The following UBE2D4 variants were observed in gnomAD, a reference collection of about 807,000 sequenced individuals.
UBE2D4 encodes the protein ubiquitin conjugating enzyme E2 D4, also known as ubiquitin-conjugating enzyme E2 D4.
A neutral mutation model predicts 23.0 loss-of-function variants in UBE2D4; 17 were observed. The ratio of observed to expected loss-of-function variants is 0.74; its 90% confidence interval spans 0.51 to 1.11. The LOEUF is 1.11. Among genes scored for constraint, UBE2D4 ranks in the 50% least tolerant of loss-of-function variants. UBE2D4 has a pLI of 0.00. For missense variants in UBE2D4, 139 were observed against 181.8 expected (o/e 0.76, Z 1.35); for synonymous variants, 61 against 69.4 (o/e 0.88, Z 0.60).
intron 6 of UBE2D4, 129 bp from the exon 7 acceptor site, chr7:43,952,521 C>T (rs2096005179): frequency 1.2e-6 from 1 of 817,500 alleles, no homozygotes; most frequent in African/African-American, 1.7e-5. Context: ...TTCCACTCAC[C>T]CATCAGCCGT....
rs1353196921 is a variant in UBE2D4 at position 43,943,051 on chromosome 7, T to G, written c.198+20T>G. The G allele has an allele frequency of 6.2e-7, 1 of 1,610,264 alleles. No individual in the cohort carries two copies. Among genetic ancestry groups the G allele is most frequent in the African/African-American group, 1.3e-5 (1 of 74,814 alleles). ...CCAAAGGTGAGGTCCCTCTCCCAAC[T>G]CCCCTGATGTTTGGATGAAGGACAG... On this transcript the variant is annotated intron_variant, in intron 4 of 6. Coordinates refer to ENST00000222402, the MANE Select transcript of UBE2D4 (RefSeq NM_015983.4).
At chr7:43,931,758 G>C (rs906774895) in intron 1 of UBE2D4, among the ~76,000 whole-genome samples, 1 of 152,008 alleles carries the variant, frequency 6.6e-6, no homozygotes, top group Non-Finnish European at 1.5e-5. Flanking sequence ...GAGTGCAGTG[G>C]TGCAATTTCT....
intron 2 of UBE2D4, chr7:43,942,427 G>A (rs917507675): frequency 2.8e-6 from 1 of 357,242 alleles, no homozygotes; most frequent in African/African-American, 2.1e-5. Context: ...TGCTCTCAGG[G>A]TGGAGCTCCA....
chr7:43,938,455 C>T lies in UBE2D4; in HGVS notation c.49C>T (p.Pro17Ser). 5 of 1,614,104 alleles carry T rather than the reference C, an allele frequency of 3.1e-6. No individual in the cohort carries two copies. The highest frequency in any genetic ancestry group is 4.2e-6 in the Non-Finnish European group (5 of 1,180,006). ...GGAATTAACCGACTTGCAGAGGGAT[C>T]CTCCTGCCCAGTGTTCTGCAGGACC... Reference protein sequence around the residue: ...QKELTDLQRDPPAQCSAGPVG... With the variant: ...QKELTDLQRDSPAQCSAGPVG... Residue 17 changes from proline (P) to serine (S), a missense_variant, in exon 2 of 7, where the codon CCT (proline) becomes TCT (serine). Pro to Ser is a moderately conservative substitution (Grantham distance 74). Transcript: ENST00000222402.
Position 43,938,518 on chromosome 7 carries a change from G to A in UBE2D4, c.88+24G>A, listed in dbSNP as rs1470142772. ...CTGTAAGTATTTTGGGGGGCTTCAAGTTGTAGGAGCATTTTAATTAAGACC... is the reference window on the plus strand; with the variant it reads ...CTGTAAGTATTTTGGGGGGCTTCAAATTGTAGGAGCATTTTAATTAAGACC... On this transcript the variant is annotated intron_variant, in intron 2 of 6. Coordinates refer to ENST00000222402, the MANE Select transcript of UBE2D4 (RefSeq NM_015983.4). 1.9e-6 allele frequency: 3 copies of A among 1,611,946 alleles called. No individual in the cohort carries two copies. The South Asian group carries it at 3.3e-5, about 18-fold the overall frequency.
chr7:43,942,672 C>T (rs1053809673), intron 2 of UBE2D4, 154 bp from the exon 3 acceptor site: 1 of 985,780 alleles, frequency 1.0e-6, no homozygotes, highest in Non-Finnish European at 1.6e-6. Flanking sequence ...GTTATTGCAT[C>T]TTGGGTGGTT....
chr7:43,954,887 G>A lies in UBE2D4; in HGVS notation c.*2192G>A, dbSNP rs2096010344. On this transcript the variant is annotated 3_prime_UTR_variant, in exon 7 of 7. Coordinates refer to ENST00000222402, the MANE Select transcript of UBE2D4 (RefSeq NM_015983.4). ...TGGTGTTGGGGAATAACCATACTCT[G>A]GTCTTTCAAGTGTAGTAGCTGATGA... The A allele has an allele frequency of 1.3e-5, 2 of 152,278 alleles. No individual in the cohort carries two copies. The highest frequency in any genetic ancestry group is 2.9e-5 in the Non-Finnish European group (2 of 68,028). 9.4% of individuals were successfully genotyped at this position (152,278 alleles called of 1,614,324 possible).
At chr7:43,952,401 C>T (rs767681641) in intron 6 of UBE2D4, 2 of 422,960 alleles carry the variant, frequency 4.7e-6, no homozygotes, top group Non-Finnish European at 8.7e-6. Flanking sequence ...AAATCTTCCA[C>T]AGCAGATAGT....
At chr7:43,928,794 G>A (rs146319492) in intron 1 of UBE2D4, among the ~76,000 whole-genome samples, 174 of 152,230 alleles carry the variant, frequency 1.1e-3, no homozygotes, top group Non-Finnish European at 2.0e-3. Context: ...TGTCTAGGAT[G>A]GGGAATCAGA....
intron 2 of UBE2D4, 26 bp downstream of exon 2, chr7:43,938,520 T>A: frequency 6.2e-7 from 1 of 1,611,298 alleles, no homozygotes; most frequent in Non-Finnish European, 8.5e-7. Flanking sequence ...GGCTTCAAGT[T>A]GTAGGAGCAT....
chr7:43,941,528 G>A (rs755698285), intron 2 of UBE2D4: 4 of 152,278 alleles, frequency 2.6e-5, no homozygotes, highest in South Asian at 2.1e-4. Flanking sequence ...GTTACTGAGT[G>A]CCTAGAGCAC....
At chr7:43,945,517 TATTGGAGATATTGAGGCAGATACTTA>T (rs946074773) in intron 4 of UBE2D4, among the ~76,000 whole-genome samples, 3 of 152,212 alleles carry the variant, frequency 2.0e-5, no homozygotes, top group African/African-American at 7.2e-5. Context: ...GCATGATCTT[TATTGGAGATATTGAGGCAGATACTTA>T]ATGTCTGCGA....
chr7:43,952,266 C>T (rs2096004444), intron 6 of UBE2D4: 1 of 213,844 alleles, frequency 4.7e-6, no homozygotes, highest in South Asian at 8.5e-5. Context: ...AGCCCTTGTT[C>T]TGGAGTTTGT....
In UBE2D4 at chr7:43,950,697, G is replaced by T. The variant is rs760725284; in HGVS notation, c.398+5G>T. The T allele has an allele frequency of 1.2e-6, 2 of 1,613,290 alleles. No individual in the cohort carries two copies. Among genetic ancestry groups the T allele is most frequent in the Non-Finnish European group, 1.7e-6 (2 of 1,179,208 alleles). ...CTACAAGGCCGACAGAGAGAAGTAC[G>T]TGTCCTCTTTGGGTTGCCTTTGCAC... On this transcript the variant is annotated splice_donor_5th_base_variant and intron_variant, in intron 6 of 6. Coordinates refer to ENST00000222402, the MANE Select transcript of UBE2D4 (RefSeq NM_015983.4).
rs1488207849 is a variant in UBE2D4, at chr7:43,953,259, TCTC to T, written c.*570_*572del. The T allele has an allele frequency of 2.2e-6, 1 of 454,504 alleles. No homozygotes were observed. Among genetic ancestry groups the T allele is most frequent in the South Asian group, 1.6e-5 (1 of 64,248 alleles). The allele number at this position is 454,504 out of a possible 1,614,324, so 28.2% of individuals were successfully genotyped here. On this transcript the variant is annotated 3_prime_UTR_variant, in exon 7 of 7. Coordinates refer to ENST00000222402, the MANE Select transcript of UBE2D4 (RefSeq NM_015983.4). Reference sequence around the variant, plus strand: ...GGCCTAGCCCTGTGGCTTCCACCAGTCTCCTCCTGCAGTGCCACGTGGTGGCAT... The same window carrying T: ...GGCCTAGCCCTGTGGCTTCCACCAGTCTCCTGCAGTGCCACGTGGTGGCAT...
chr7:43,928,102 G>A (rs1001684291), intron 1 of UBE2D4: 27 of 451,104 alleles, frequency 6.0e-5, no homozygotes, highest in East Asian at 3.5e-4. Flanking sequence ...AGAAGCAGGC[G>A]TGTCACCTGG....
intron 1 of UBE2D4, among the ~76,000 whole-genome samples, chr7:43,928,525 A>T (rs2095938427): frequency 6.6e-6 from 1 of 152,078 alleles, no homozygotes; most frequent in African/African-American, 2.4e-5. Context: ...AAGCAGGTGA[A>T]TGACATGCTG....
In UBE2D4 at chr7:43,938,411, C is replaced by T. The variant is rs2095963157; in HGVS notation, c.25-20C>T. The T allele has an allele frequency of 6.2e-7, 1 of 1,612,992 alleles. No homozygotes were observed. Among genetic ancestry groups the T allele is most frequent in the Non-Finnish European group, 8.5e-7 (1 of 1,179,206 alleles). ...CATCCCCAGCATACAGCAGCTCTGA[C>T]CCACTCTCTCATGTTCTAGGAATTA... On this transcript the variant is annotated intron_variant, in intron 1 of 6. Transcript: ENST00000222402.
intron 6 of UBE2D4, 50 bp downstream of exon 6, chr7:43,950,742 TCCATGCAG>T (rs777416236): frequency 7.0e-7 from 1 of 1,427,102 alleles, no homozygotes; most frequent in African/African-American, 1.4e-5. Context: ...CCCAGGCAGC[TCCATGCAG>T]TACCTGTGCT....
Sources: gnomAD v4.1 joint callset for allele counts (sites outside exome capture counted in the v4.1 genomes callset) on GRCh38, gnomAD v4.1.1 for gene constraint, MANE v1.5 for transcripts, NCBI Gene and HGNC (gene_info 2026-07-23, HGNC 2026-07-21) for gene names.